The following ARHGEF12 variants were observed in gnomAD, a reference collection of about 807,000 sequenced individuals.
ARHGEF12 encodes the protein KMT2A/ARHGEF12 fusion protein.
ARHGEF12 carries 66 observed loss-of-function variants against 211.2 expected under a neutral mutation model. The ratio of observed to expected loss-of-function variants is 0.31; its 90% CI spans 0.26 to 0.38. The LOEUF (loss-of-function observed/expected upper bound fraction) is 0.38. Among genes scored for constraint, ARHGEF12 ranks in the 10% least tolerant of loss-of-function variants. ARHGEF12 has a pLI of 1.00. For synonymous variants in ARHGEF12, 592 were observed against 638.4 expected (o/e 0.93, Z 1.09); for missense variants, 1,429 against 1,869.5 (o/e 0.76, Z 4.34).
At chr11:120,458,794 A>G (rs1232241859) in intron 25 of ARHGEF12, 1 of 160,180 alleles carries the variant, frequency 6.2e-6, no homozygotes, top group African/African-American at 2.4e-5. Flanking sequence ...GTGAGTGTTT[A>G]TAGGCAAATT....
intron 22 of ARHGEF12, among the ~76,000 whole-genome samples, chr11:120,452,767 G>A (rs1351390889): frequency 1.3e-5 from 2 of 152,032 alleles, no homozygotes; most frequent in African/African-American, 2.4e-5. Flanking sequence ...AGGCTGAGGC[G>A]GGTGGATCAC....
intron 31 of ARHGEF12, among the ~76,000 whole-genome samples, chr11:120,473,718 G>C (rs1946945068): frequency 1.3e-5 from 2 of 152,174 alleles, no homozygotes; most frequent in African/African-American, 4.8e-5. Context: ...TTTAAATAAG[G>C]GTAGGACTGT....
At chr11:120,438,262 C>G (rs1385142604) in intron 12 of ARHGEF12, among the ~76,000 whole-genome samples, 2 of 152,052 alleles carry the variant, frequency 1.3e-5, no homozygotes, top group Admixed American at 1.3e-4. Context: ...GACTACTGCT[C>G]GAAACTAATT....
In ARHGEF12 at chr11:120,457,147, C is replaced by G; in HGVS notation, c.2086C>G (p.Pro696Ala). ...AAAGCAAGTTGGAGAAACATCAGCACCTGGAGACACCTTAGATGGCACACC... is the reference window on the plus strand; with the variant it reads ...AAAGCAAGTTGGAGAAACATCAGCAGCTGGAGACACCTTAGATGGCACACC... ...GSKQVGETSA[P>A]GDTLDGTPRT... The change falls in exon 23 of 41, where the codon CCT becomes GCT. Residue 696 changes from proline (P) to alanine (A), a missense_variant. Pro to Ala is a conservative substitution (Grantham distance 27). Around this residue, in one of 7 missense-constraint regions of ARHGEF12, gnomAD observed 373 missense variants for 467.5 expected, o/e 0.80. Coordinates refer to ENST00000397843, the MANE Select transcript of ARHGEF12 (RefSeq NM_015313.3). 6.2e-7 allele frequency: 1 copy of G among 1,613,956 alleles called. No homozygotes were observed. The highest frequency in any genetic ancestry group is 8.5e-7 in the Non-Finnish European group (1 of 1,179,944).
intron 39 of ARHGEF12, 22 bp from the exon 40 acceptor site, chr11:120,484,416 A>C (rs1382824311): frequency 8.1e-6 from 13 of 1,607,358 alleles, no homozygotes; most frequent in Non-Finnish European, 1.0e-5. Context: ...TGAATAAAAA[A>C]CCTATGGGTT....
chr11:120,478,803 A>G (rs1947142772), intron 37 of ARHGEF12, among the ~76,000 whole-genome samples: 2 of 152,260 alleles, frequency 1.3e-5, no homozygotes, highest in Non-Finnish European at 2.9e-5. Context: ...AAGCTATTAT[A>G]ATAGTCTGGC....
intron 6 of ARHGEF12, among the ~76,000 whole-genome samples, chr11:120,423,911 T>C (rs1327164589): frequency 6.6e-6 from 1 of 152,202 alleles, no homozygotes; most frequent in African/African-American, 2.4e-5. Context: ...ATTAATTTTC[T>C]TTGTGAAGAT....
intron 15 of ARHGEF12, among the ~76,000 whole-genome samples, chr11:120,443,768 T>C (rs948413681): frequency 1.3e-4 from 20 of 152,234 alleles, no homozygotes; most frequent in African/African-American, 4.6e-4. Context: ...GTTGAAAATA[T>C]TCAAGGAAAA....
intron 22 of ARHGEF12, among the ~76,000 whole-genome samples, chr11:120,452,416 G>A (rs777603356): frequency 2.0e-5 from 3 of 152,112 alleles, no homozygotes; most frequent in East Asian, 1.9e-4. Context: ...TTTGGGAGGC[G>A]GTTCAATTTC....
intron 17 of ARHGEF12, 46 bp from the exon 18 acceptor site, chr11:120,446,902 T>C: frequency 6.3e-7 from 1 of 1,590,232 alleles, no homozygotes; most frequent in Non-Finnish European, 8.6e-7. Flanking sequence ...CAGAATGAGG[T>C]AGTTTTTCTT....
intron 39 of ARHGEF12, among the ~76,000 whole-genome samples, chr11:120,482,589 A>C (rs12794946): frequency 0.43 from 65,371 of 151,622 alleles, 14,431 homozygotes; most frequent in African/African-American, 0.51. Flanking sequence ...ACTAAAAATA[A>C]AAAAAATCAG....
In ARHGEF12 at chr11:120,481,425, C is replaced by T; in HGVS notation, c.4403C>T (p.Ser1468Leu). ...AATACTCACTCCGATGGGGCAATTTCACCATTCACCCCCGAATTTCTGGTC... is the reference window on the plus strand; with the variant it reads ...AATACTCACTCCGATGGGGCAATTTTACCATTCACCCCCGAATTTCTGGTC... The part of the protein sequence containing the change: ...PQNTHSDGAI[S>L]PFTPEFLVQQ... Residue 1468 changes from serine (S) to leucine (L), a missense_variant, in exon 39 of 41, where the codon TCA becomes TTA. Ser to Leu is a moderately radical substitution (Grantham distance 145). This residue lies in a region of ARHGEF12 where 467 missense variants were observed against 468.4 expected (regional missense o/e 1.00). Coordinates refer to ENST00000397843, the MANE Select transcript of ARHGEF12 (RefSeq NM_015313.3). 1 of 1,614,204 alleles carries T rather than the reference C, an allele frequency of 6.2e-7. No individual in the cohort carries two copies. The highest frequency in any genetic ancestry group is 1.1e-5 in the South Asian group (1 of 91,074).
chr11:120,418,224 ACTC>A (rs1163716890), intron 4 of ARHGEF12, among the ~76,000 whole-genome samples: 1 of 151,364 alleles, frequency 6.6e-6, no homozygotes, highest in African/African-American at 2.4e-5. Context: ...AGTCATTCCC[ACTC>A]CTCTTCCGTG....
Position 120,474,601 on chromosome 11 carries a change from A to G in ARHGEF12, c.3075A>G (p.Pro1025=). ...AAAGGAAGATGATTCATGAAGGGCCATTGGTTTGGAAGGTGAATAGAGATA... is the reference window on the plus strand; with the variant it reads ...AAAGGAAGATGATTCATGAAGGGCCGTTGGTTTGGAAGGTGAATAGAGATA... ...LTKRKMIHEG[P]LVWKVNRDKT... is the part of the protein sequence containing the mutation. The change falls in exon 32 of 41, where the codon CCA becomes CCG. Residue 1025 remains proline, a synonymous_variant. Transcript: ENST00000397843. 3 of 1,612,282 alleles carry G rather than the reference A, an allele frequency of 1.9e-6. No homozygotes were observed. Among genetic ancestry groups the G allele is most frequent in the Non-Finnish European group, 2.5e-6 (3 of 1,179,572 alleles).
At chr11:120,442,265 TC>T (rs1945891762) in intron 15 of ARHGEF12, 63 bp downstream of exon 15, 1 of 1,233,854 alleles carries the variant, frequency 8.1e-7, no homozygotes, top group Admixed American at 2.3e-5. Flanking sequence ...TCCTCCTGCT[TC>T]CTATCTTCCC....
At chr11:120,476,095 G>A (rs1163941969) in intron 33 of ARHGEF12, 2 of 152,354 alleles carry the variant, frequency 1.3e-5, no homozygotes, top group African/African-American at 4.8e-5. Flanking sequence ...TTTGAGACGA[G>A]GGTCCCACCC....
At chr11:120,409,338 C>G (rs1591554029) in intron 3 of ARHGEF12, 56 bp from the exon 4 acceptor site, 15 of 1,573,172 alleles carry the variant, frequency 9.5e-6, no homozygotes, top group South Asian at 7.9e-5. Flanking sequence ...AATTTTTCCC[C>G]TTACATTGTC....
intron 4 of ARHGEF12, chr11:120,410,881 T>G (rs1031617370): frequency 2.0e-5 from 3 of 152,306 alleles, no homozygotes; most frequent in Non-Finnish European, 2.9e-5. Flanking sequence ...TTTCTATAGT[T>G]TATCCTCTCC....
chr11:120,487,376 C>A lies in ARHGEF12; in HGVS notation c.*2299C>A, dbSNP rs1947424657. ...CATATCTAGATTTTCAAACAAAGCCCCAAGATGAAGTCTAATTCTGAAAAT... is the reference window on the plus strand; with the variant it reads ...CATATCTAGATTTTCAAACAAAGCCACAAGATGAAGTCTAATTCTGAAAAT... On this transcript the variant is annotated 3_prime_UTR_variant, in exon 41 of 41. Transcript: ENST00000397843. The A allele has an allele frequency of 4.6e-6, 1 of 219,092 alleles. No homozygotes were observed. The highest frequency in any genetic ancestry group is 6.8e-5 in the East Asian group (1 of 14,798). The allele number at this position is 219,092 out of a possible 1,614,324, so 13.6% of individuals were successfully genotyped here.
Sources: allele counts gnomAD v4.1 joint callset (sites outside exome capture counted in the v4.1 genomes callset), GRCh38; gene constraint gnomAD v4.1.1; regional missense constraint gnomAD v4.1.1; transcripts MANE v1.5; gene names NCBI Gene and HGNC (gene_info 2026-07-23, HGNC 2026-07-21).